SHPRH: variants seen among roughly 807,000 people sequenced by gnomAD.
SHPRH encodes the protein E3 ubiquitin-protein ligase SHPRH.
Under a neutral mutation model 202.5 loss-of-function variants are expected in SHPRH, and 106 were observed. The observed-to-expected ratio is 0.52, with a 90% CI of 0.45 to 0.62. The LOEUF is 0.62. Ranked by LOEUF, SHPRH falls within the 20% of genes least tolerant of loss-of-function variation. The pLI is 0.00. For synonymous variants in SHPRH, 729 were observed against 686.0 expected (o/e 1.06, Z -0.98); for missense variants, 1,710 against 2,020.0 (o/e 0.85, Z 2.94).
intron 25 of SHPRH, among the ~76,000 whole-genome samples, chr6:145,899,618 A>G (rs1269355471): frequency 6.6e-6 from 1 of 152,154 alleles, no homozygotes; most frequent in Non-Finnish European, 1.5e-5. Flanking sequence ...GACTTTTTGG[A>G]TATGACCCAA....
intron 25 of SHPRH, chr6:145,904,350 T>C (rs879613449): frequency 1.3e-5 from 2 of 151,982 alleles, no homozygotes; most frequent in South Asian, 2.1e-4. Context: ...TCAACAGTAA[T>C]ATAAAGAAAA....
At chr6:145,962,573 C>T (rs1335738269) in intron 1 of SHPRH, among the ~76,000 whole-genome samples, 2 of 151,962 alleles carry the variant, frequency 1.3e-5, no homozygotes, top group African/African-American at 2.4e-5. Flanking sequence ...TAAAATGTTA[C>T]ATTACTAAGA....
chr6:145,947,386 A>G lies in SHPRH; in HGVS notation c.1212+107T>C, dbSNP rs545957052. ...ACCACTAATATAAATCATTACCCACAGAGTGAACAGAAAGTGTTGACTTAA... is the reference window on the plus strand; with the variant it reads ...ACCACTAATATAAATCATTACCCACGGAGTGAACAGAAAGTGTTGACTTAA... On this transcript the variant is annotated intron_variant, in intron 6 of 29. Transcript: ENST00000275233. The G allele has an allele frequency of 4.0e-6, 5 of 1,256,706 alleles. No homozygotes were observed. The East Asian group carries it at 1.2e-4, about 31-fold the overall frequency. The allele number at this position is 1,256,706 out of a possible 1,614,324, so 77.8% of individuals were successfully genotyped here.
At chr6:145,931,993 C>T (rs1205122435) in intron 14 of SHPRH, among the ~76,000 whole-genome samples, 2 of 151,304 alleles carry the variant, frequency 1.3e-5, no homozygotes, top group South Asian at 2.1e-4. Context: ...CAGTCTTCTT[C>T]GTTTTTCATG....
At position 145,893,371 on chromosome 6, in the gene SHPRH, C is replaced by G; in HGVS notation, c.4718G>C (p.Arg1573Pro). Reference sequence around the variant, plus strand: ...CAGCAAAATATTGATTTGGGGATCACGTTTAAATGCTGAAAGGTTCTCCTA... The same window carrying G: ...CAGCAAAATATTGATTTGGGGATCAGGTTTAAATGCTGAAAGGTTCTCCTA... ...TFQENLSAFK[R>P]DPQINILLLP... Residue 1573 changes from arginine to proline, a missense_variant, in exon 28 of 30, where the codon CGT becomes CCT. Arg to Pro is a moderately radical substitution (Grantham distance 103, BLOSUM62 -2). Around this residue, in one of 8 missense-constraint regions of SHPRH, gnomAD observed 306 missense variants for 479.5 expected, o/e 0.64. Transcript: ENST00000275233. 3 of 1,587,244 alleles carry G rather than the reference C, an allele frequency of 1.9e-6. No individual in the cohort carries two copies. The highest frequency in any genetic ancestry group is 2.6e-6 in the Non-Finnish European group (3 of 1,170,918).
chr6:145,910,908 T>C (rs544391625), intron 24 of SHPRH, among the ~76,000 whole-genome samples: 1 of 152,254 alleles, frequency 6.6e-6, no homozygotes, highest in South Asian at 2.1e-4. Context: ...GGGAAGAATG[T>C]AAATTAGTCC....
In SHPRH at chr6:145,918,219, C is replaced by T. The variant is rs561355562; in HGVS notation, c.4166G>A (p.Arg1389Gln). The T allele has an allele frequency of 1.1e-5, 17 of 1,576,010 alleles. No homozygotes were observed. Among genetic ancestry groups the T allele is most frequent in the Middle Eastern group, 1.8e-4 (1 of 5,668 alleles). Residue 1389 changes from arginine to glutamine, a missense_variant, in exon 23 of 30, where the codon CGA (arginine) becomes CAA (glutamine). Transcript: ENST00000275233. ...AGCTTTATCATTTAGTAGTTTTATT[C>T]GGTTTTGTTCTACCTAAAGAAAATA... ...IIEPHEVEQN[R>Q]IKLLNDKAVA...
At chr6:145,864,702 TA>T (rs201073110) in intron 2 of SHPRH, among the ~76,000 whole-genome samples, 2 of 148,308 alleles carry the variant, frequency 1.3e-5, no homozygotes, top group African/African-American at 2.5e-5. Context: ...AAGCTAAGGT[TA>T]AAAAAAAAGA....
chr6:145,947,479 C>G lies in SHPRH; in HGVS notation c.1212+14G>C, dbSNP rs368955885. On this transcript the variant is annotated intron_variant, in intron 6 of 29. Transcript: ENST00000275233. ...ATGTCCCCTGCTTTTGCAAGCCCTACTATACCCTCCTACCTCGGGAAGAGT... is the reference window on the plus strand; with the variant it reads ...ATGTCCCCTGCTTTTGCAAGCCCTAGTATACCCTCCTACCTCGGGAAGAGT... 16 of 1,611,464 alleles carry G rather than the reference C, an allele frequency of 9.9e-6. No homozygotes were observed. The African/African-American group carries it at 1.9e-4, about 19-fold the overall frequency.
At chr6:145,951,159 T>G (rs1787933312) in intron 3 of SHPRH, among the ~76,000 whole-genome samples, 1 of 152,062 alleles carries the variant, frequency 6.6e-6, no homozygotes, top group African/African-American at 2.4e-5. Context: ...AATTGTTCTG[T>G]GGAAGAAGAT....
At chr6:145,963,284 A>AT (rs1273903067) in intron 1 of SHPRH, among the ~76,000 whole-genome samples, 1 of 152,182 alleles carries the variant, frequency 6.6e-6, no homozygotes, top group Non-Finnish European at 1.5e-5. Flanking sequence ...CATTCCTACT[A>AT]ATGCCCACTG....
In SHPRH at chr6:145,918,166, G is replaced by GT. The variant is rs757350513; in HGVS notation, c.4218dup (p.Leu1407ThrfsTer9). Reference sequence around the variant, plus strand: ...TTAGTTAGGTAAAGAAGCTGCCCAAGTTTTTTCTGAAGCTGTGATGTAGCA... The same window carrying GT: ...TTAGTTAGGTAAAGAAGCTGCCCAAGTTTTTTTCTGAAGCTGTGATGTAGCA... On this transcript the variant is annotated frameshift_variant, in exon 23 of 30. Coordinates refer to ENST00000275233, the MANE Select transcript of SHPRH (RefSeq NM_001042683.3). LOFTEE classifies it high-confidence loss of function. The GT allele has an allele frequency of 6.2e-7, 1 of 1,606,172 alleles. No individual in the cohort carries two copies.
Position 145,893,311 on chromosome 6 carries a change from A to T in SHPRH, c.4778T>A (p.Ile1593Asn). The T allele has an allele frequency of 6.2e-7, 1 of 1,606,486 alleles. No individual in the cohort carries two copies. Among genetic ancestry groups the T allele is most frequent in the Admixed American group, 1.7e-5 (1 of 58,810 alleles). Residue 1593 changes from isoleucine to asparagine, a missense_variant, in exon 28 of 30, where the codon ATC (isoleucine) becomes AAC (asparagine). Coordinates refer to ENST00000275233, the MANE Select transcript of SHPRH (RefSeq NM_001042683.3). ...CAAGAGAACATGAGTTGCTTCAATG[A>T]TAGTTAATCCATTAGAACCTGTGTG... ...PLHTGSNGLT[I>N]IEATHVLLVE...
intron 5 of SHPRH, 23 bp downstream of exon 5, chr6:145,948,248 CA>C: frequency 6.6e-7 from 1 of 1,506,812 alleles, no homozygotes; most frequent in Non-Finnish European, 9.0e-7. Context: ...TTAAATCAAG[CA>C]TATAAGTAAA....
intron 27 of SHPRH, among the ~76,000 whole-genome samples, chr6:145,893,902 CT>C (rs995947792): frequency 6.6e-6 from 1 of 150,878 alleles, no homozygotes; most frequent in African/African-American, 2.4e-5. Flanking sequence ...CATAGGCAAT[CT>C]TTTCCTGTAC....
intron 6 of SHPRH, 93 bp downstream of exon 6, chr6:145,947,400 G>T: frequency 7.3e-7 from 1 of 1,367,236 alleles, no homozygotes; most frequent in Non-Finnish European, 9.9e-7. Flanking sequence ...TGAACAGAAA[G>T]TGTTGACTTA....
At chr6:145,896,008 A>T (rs1222413839) in intron 25 of SHPRH, among the ~76,000 whole-genome samples, 1 of 152,080 alleles carries the variant, frequency 6.6e-6, no homozygotes, top group Admixed American at 6.6e-5. Flanking sequence ...ACCAAAAAGA[A>T]GGAAAAATAT....
At chr6:145,861,222 CTT>C (rs1224895521), downstream of SHPRH, among the ~76,000 whole-genome samples, 1 of 151,956 alleles carries the variant, frequency 6.6e-6, no homozygotes, top group African/African-American at 2.4e-5. Flanking sequence ...TGTTTGTAGA[CTT>C]TAATACCTAC....
rs936149818 is a variant in SHPRH at position 145,963,738 on chromosome 6, T to C, written c.-40A>G. 12 of 152,172 alleles carry C rather than the reference T, an allele frequency of 7.9e-5. No homozygotes were observed. The highest frequency in any genetic ancestry group is 2.9e-4 in the African/African-American group (12 of 41,436). The allele number at this position is 152,172 out of a possible 1,614,324, so 9.4% of individuals were successfully genotyped here. On this transcript the variant is annotated 5_prime_UTR_variant, in exon 1 of 30. Coordinates refer to ENST00000275233, the MANE Select transcript of SHPRH (RefSeq NM_001042683.3). ...GCGGCGCACGGTACCCACTCAGTTA[T>C]CTTCCGAAAGACCCACAAGCGGCTC...
Sources: allele counts gnomAD v4.1 joint callset (sites outside exome capture counted in the v4.1 genomes callset), GRCh38; gene constraint gnomAD v4.1.1; regional missense constraint gnomAD v4.1.1; transcripts MANE v1.5; gene names NCBI Gene and HGNC (gene_info 2026-07-23, HGNC 2026-07-21).